Variants in GRHL3 observed in about 807,000 individuals in gnomAD.
GRHL3 encodes grainyhead like transcription factor 3.
GRHL3 carries 20 observed loss-of-function variants against 70.3 expected under a neutral mutation model. That is an observed-to-expected ratio of 0.28 (90% CI 0.20 to 0.41). The LOEUF is 0.41. GRHL3 is among the 10% of genes least tolerant of loss of function. GRHL3 has a pLI of 1.00. For synonymous variants in GRHL3, 299 were observed against 299.9 expected (o/e 1.00, Z 0.03); for missense variants, 637 against 762.3 (o/e 0.84, Z 1.94).
downstream of GRHL3, chr1:24,357,939 T>A (rs1349557156): frequency 3.0e-6 from 1 of 332,880 alleles, no homozygotes; most frequent in African/African-American, 2.2e-5. Context: ...GAAAAAGGTC[T>A]AAAAGGAGTA....
chr1:24,334,857 A>G lies in GRHL3; in HGVS notation c.266+151A>G. ...GGGATTCATGATAATGTTTTCATTT[A>G]TTTTAAAATTAAAAGAAAAAAATCA... On this transcript the variant is annotated intron_variant, in intron 3 of 15. Coordinates refer to ENST00000361548, the MANE Select transcript of GRHL3 (RefSeq NM_198173.3). The surrounding 1 kb of genome is among the most constrained non-coding windows in gnomAD (Gnocchi z 4.3). 2.1e-6 allele frequency: 1 copy of G among 482,042 alleles called. No individual in the cohort carries two copies. The highest frequency in any genetic ancestry group is 3.3e-5 in the East Asian group (1 of 29,926). The allele number at this position is 482,042 out of a possible 1,614,324, so 29.9% of individuals were successfully genotyped here.
chr1:24,336,214 G>GT (rs1639803950), intron 3 of GRHL3, among the ~76,000 whole-genome samples: 1 of 151,422 alleles, frequency 6.6e-6, no homozygotes, highest in African/African-American at 2.4e-5. Context: ...AAACTTTCAG[G>GT]GTTTTTTTTT....
At chr1:24,362,730 GGGGACACCCCCCT>G (rs1359276229) in intron 15 of GRHL3, among the ~76,000 whole-genome samples, 10 of 152,210 alleles carry the variant, frequency 6.6e-5, no homozygotes, top group Non-Finnish European at 1.2e-4. Context: ...TGCTGAGGCA[GGGGACACCCCCCT>G]GGTCAGAGAG....
At chr1:24,356,402 G>C (rs970433388), downstream of GRHL3, among the ~76,000 whole-genome samples, 2 of 151,940 alleles carry the variant, frequency 1.3e-5, no homozygotes, top group African/African-American at 4.8e-5. Context: ...ACCATGCCCG[G>C]CTAATTTTTT....
downstream of GRHL3, among the ~76,000 whole-genome samples, chr1:24,355,700 C>T (rs535444713): frequency 6.6e-6 from 1 of 152,306 alleles, no homozygotes; most frequent in Non-Finnish European, 1.5e-5. Context: ...TAGGCCAAGC[C>T]ACGTTCCCTG....
At chr1:24,335,014 A>AAC (rs35646472) in intron 3 of GRHL3, among the ~76,000 whole-genome samples, 9,021 of 136,922 alleles carry the variant, frequency 0.066, 297 homozygotes, top group East Asian at 0.13. Flanking sequence ...TCAGCTTGAA[A>AAC]ACACACACAC....
Position 24,336,652 on chromosome 1 carries a change from C to T in GRHL3, c.437C>T (p.Ala146Val), listed in dbSNP as rs1639827025. The change falls in exon 4 of 16, where the codon GCT becomes GTT. Residue 146 changes from alanine (A) to valine (V), a missense_variant. This residue lies in a region of GRHL3 where 250 missense variants were observed against 248.6 expected (regional missense o/e 1.01). Transcript: ENST00000361548. ...EGALPTPGKA[A>V]PLPAGPSKLE... ...GCCTTGCCCACCCCTGGCAAGGCAGCTCCCCTCCCTGCAGGCCCCAGCAAG... is the reference window on the plus strand; with the variant it reads ...GCCTTGCCCACCCCTGGCAAGGCAGTTCCCCTCCCTGCAGGCCCCAGCAAG... 1 of 1,614,110 alleles carries T rather than the reference C, an allele frequency of 6.2e-7. No individual in the cohort carries two copies. Among genetic ancestry groups the T allele is most frequent in the South Asian group, 1.1e-5 (1 of 91,072 alleles).
intron 1 of GRHL3, among the ~76,000 whole-genome samples, chr1:24,328,980 C>G (rs1233370055): frequency 6.6e-6 from 1 of 152,146 alleles, no homozygotes; most frequent in Admixed American, 6.5e-5. Flanking sequence ...GCTGGGCAGA[C>G]AGTGAGGGTG....
intron 15 of GRHL3, chr1:24,360,963 A>G (rs1641073073): frequency 6.2e-7 from 1 of 1,614,088 alleles, no homozygotes; most frequent in East Asian, 2.2e-5. Context: ...CCACGATCTC[A>G]TACTGACCAG....
At chr1:24,333,438 G>T (rs531857304) in intron 2 of GRHL3, among the ~76,000 whole-genome samples, 7 of 152,310 alleles carry the variant, frequency 4.6e-5, no homozygotes, top group Admixed American at 1.3e-4. Flanking sequence ...GGCTATGCTG[G>T]GTTGGGGTCC....
At chr1:24,346,783 TG>T (rs1163202494) in intron 13 of GRHL3, 142 bp downstream of exon 13, 3 of 638,950 alleles carry the variant, frequency 4.7e-6, no homozygotes, top group Middle Eastern at 3.7e-4. Context: ...GACTTGGGGG[TG>T]GGGGTAAGGA....
At chr1:24,353,366 G>T (rs568570913) in intron 15 of GRHL3, among the ~76,000 whole-genome samples, 1 of 152,100 alleles carries the variant, frequency 6.6e-6, no homozygotes, top group African/African-American at 2.4e-5. Context: ...GGAAGATGAC[G>T]GCAGGTGGGC....
intron 15 of GRHL3, among the ~76,000 whole-genome samples, chr1:24,352,134 A>C (rs1640537844): frequency 6.9e-6 from 1 of 144,292 alleles, no homozygotes; most frequent in Admixed American, 7.3e-5. Flanking sequence ...CCGTGAAAAC[A>C]TCAGCCCCAG....
intron 4 of GRHL3, 113 bp downstream of exon 4, chr1:24,336,940 A>G (rs1639840498): frequency 8.2e-7 from 1 of 1,218,710 alleles, no homozygotes; most frequent in Non-Finnish European, 1.2e-6. Context: ...AGCATCCTAG[A>G]GCTGAGACGG....
intron 13 of GRHL3, among the ~76,000 whole-genome samples, chr1:24,347,158 A>G (rs375976842): frequency 2.0e-5 from 3 of 152,204 alleles, no homozygotes; most frequent in East Asian, 3.9e-4. Flanking sequence ...ATCAATTCCC[A>G]CAATGACTCT....
rs187996310 is a variant in GRHL3, at chr1:24,341,423, C to A, written c.1048-692C>A. ...GTGAGCGGCAGAGCCCAGCTTCCTG[C>A]AGCAGATGTGGGCGGCCCCTCCTCC... is the stretch of plus-strand genomic sequence containing the variant. On this transcript the variant is annotated intron_variant, in intron 8 of 15. Coordinates refer to ENST00000361548, the MANE Select transcript of GRHL3 (RefSeq NM_198173.3). Among the ~76,000 whole-genome samples the A allele has an allele frequency of 5.1e-4, 78 of 152,336 alleles. 1 individual carries two copies. Among genetic ancestry groups the A allele is most frequent in the Non-Finnish European group, 8.2e-4 (56 of 68,030 alleles).
Position 24,336,495 on chromosome 1 carries a change from A to G in GRHL3, c.280A>G (p.Met94Val), listed in dbSNP as rs960596554. 2.5e-6 allele frequency: 4 copies of G among 1,579,484 alleles called. No individual in the cohort carries two copies. The highest frequency in any genetic ancestry group is 1.8e-5 in the Admixed American group (1 of 56,670). The change falls in exon 4 of 16, where the codon ATG becomes GTG. Residue 94 changes from methionine to valine, a missense_variant. This residue lies in a region of GRHL3 where 250 missense variants were observed against 248.6 expected (regional missense o/e 1.01). Coordinates refer to ENST00000361548, the MANE Select transcript of GRHL3 (RefSeq NM_198173.3). ...NDQGKRYYHG[M>V]EYETDLTPLE... is the part of the protein sequence containing the mutation. ...CTTTCTCCCCAGGTACTACCATGGC[A>G]TGGAATATGAGACGGACCTCACTCC...
intron 14 of GRHL3, 119 bp from the exon 15 acceptor site, chr1:24,349,939 C>G (rs779141120): frequency 2.9e-5 from 19 of 665,146 alleles, no homozygotes; most frequent in African/African-American, 5.5e-5. Flanking sequence ...TTCATATTTG[C>G]CCACAATATG....
In GRHL3 at chr1:24,355,220, A is replaced by G. The variant is rs1038715187; in HGVS notation, c.*732A>G. The stretch of plus-strand genomic sequence containing the variant: ...TATCATTTCAAAAAATGTGTATTTC[A>G]CATTTCTTGGACTTTTTTTAGCTGT... On this transcript the variant is annotated 3_prime_UTR_variant, in exon 16 of 16. Coordinates refer to ENST00000361548, the MANE Select transcript of GRHL3 (RefSeq NM_198173.3). 6.6e-6 allele frequency: 1 copy of G among 152,464 alleles called. No individual in the cohort carries two copies. The highest frequency in any genetic ancestry group is 2.4e-5 in the African/African-American group (1 of 41,352). The allele number at this position is 152,464 out of a possible 1,614,324, so 9.4% of individuals were successfully genotyped here.
Sources: gnomAD v4.1 joint callset for allele counts (sites outside exome capture counted in the v4.1 genomes callset) on GRCh38, gnomAD v4.1.1 for gene constraint, gnomAD v4.1.1 regional missense constraint, Gnocchi (gnomAD v3.1) non-coding constraint, MANE v1.5 for transcripts, NCBI Gene and HGNC (gene_info 2026-07-23, HGNC 2026-07-21) for gene names.